ERG: variants seen among roughly 807,000 people sequenced by gnomAD.
ERG encodes transcriptional regulator ERG.
ERG carries 9 observed loss-of-function variants against 55.3 expected under a neutral mutation model. The observed-to-expected ratio is 0.16, with a 90% CI of 0.10 to 0.28. The LOEUF (loss-of-function observed/expected upper bound fraction) is 0.28. Among genes scored for constraint, ERG ranks in the 10% least tolerant of loss-of-function variants. The probability of loss-of-function intolerance (pLI) is 1.00; values close to 1 mark genes in which losing one functional copy is unlikely to be tolerated. For missense variants in ERG, 434 were observed against 631.6 expected (o/e 0.69, Z 3.35); for synonymous variants, 223 against 237.3 (o/e 0.94, Z 0.55).
intron 1 of ERG, among the ~76,000 whole-genome samples, chr21:38,485,680 G>A (rs191072946): frequency 2.0e-5 from 3 of 151,346 alleles, no homozygotes; most frequent in Admixed American, 6.6e-5. Flanking sequence ...GGATGGTCTC[G>A]ATCTCCTGAC....
chr21:38,472,829 C>T (rs2059151728), intron 1 of ERG, among the ~76,000 whole-genome samples: 1 of 152,228 alleles, frequency 6.6e-6, no homozygotes, highest in African/African-American at 2.4e-5. Flanking sequence ...GGAGCTCAGA[C>T]CTGCAGTCTT....
At chr21:38,661,609 C>G (rs147340873) in intron 1 of ERG, 1 of 152,286 alleles carries the variant, frequency 6.6e-6, no homozygotes, top group Non-Finnish European at 1.5e-5. Flanking sequence ...TAAGCCCCTT[C>G]CAGAAGTTTT....
chr21:38,502,466 C>A, upstream of ERG: 1 of 159,592 alleles, frequency 6.3e-6, no homozygotes. Flanking sequence ...TGGTGGCAGA[C>A]ATGTCCAAGG....
chr21:38,565,387 C>A (rs1403159477), intron 2 of ERG, among the ~76,000 whole-genome samples: 1 of 152,174 alleles, frequency 6.6e-6, no homozygotes, highest in Non-Finnish European at 1.5e-5. Context: ...TGCTATGAAC[C>A]TTCCAATGGT....
In ERG at chr21:38,473,826, G is replaced by A. The variant is rs148919917; in HGVS notation, c.18+24537C>T. 2.9e-3 allele frequency among the ~76,000 whole-genome samples: 440 copies of A among 152,028 alleles called. 4 individuals carry two copies. The highest frequency in any genetic ancestry group is 9.6e-3 in the African/African-American group (398 of 41,462). ...TGTGTGTGTATGTGTACATGTTTGC[G>A]TACGTATGCATGTGTATGTGTACAT... On this transcript the variant is annotated intron_variant, in intron 1 of 9. Coordinates refer to ENST00000288319, the MANE Select transcript of ERG (RefSeq NM_182918.4).
chr21:38,477,095 C>T (rs2059196218), intron 1 of ERG, among the ~76,000 whole-genome samples: 1 of 148,224 alleles, frequency 6.7e-6, no homozygotes, highest in African/African-American at 2.5e-5. Context: ...TCACTGCAAC[C>T]TTGACCTCCC....
chr21:38,537,871 A>G (rs1047425344), intron 2 of ERG, among the ~76,000 whole-genome samples: 1 of 152,226 alleles, frequency 6.6e-6, no homozygotes, highest in Admixed American at 6.5e-5. Flanking sequence ...AGCATTATTT[A>G]CAATAACCAA....
chr21:38,491,688 T>C (rs1275176650), intron 1 of ERG, among the ~76,000 whole-genome samples: 1 of 152,222 alleles, frequency 6.6e-6, no homozygotes, highest in Non-Finnish European at 1.5e-5. Flanking sequence ...TTTAATTCCA[T>C]GAACACCCTG....
chr21:38,440,030 G>C (rs2058825408), intron 2 of ERG, among the ~76,000 whole-genome samples: 1 of 152,218 alleles, frequency 6.6e-6, no homozygotes, highest in Non-Finnish European at 1.5e-5. Flanking sequence ...TCCCGTGGAG[G>C]TGTCTGCAAG....
At chr21:38,499,654 G>T (rs539861331), upstream of ERG, among the ~76,000 whole-genome samples, 5 of 151,876 alleles carry the variant, frequency 3.3e-5, no homozygotes, top group South Asian at 1.0e-3. Context: ...AGGTCATTCT[G>T]GCTTTTATTA....
At chr21:38,540,761 T>C (rs1232779398) in intron 2 of ERG, among the ~76,000 whole-genome samples, 7 of 152,200 alleles carry the variant, frequency 4.6e-5, no homozygotes, top group Admixed American at 6.5e-5. Flanking sequence ...ATGTAAAATT[T>C]TTCCATCTGC....
chr21:38,527,221 C>T (rs949811602), intron 2 of ERG, among the ~76,000 whole-genome samples: 2 of 152,160 alleles, frequency 1.3e-5, no homozygotes, highest in Non-Finnish European at 2.9e-5. Context: ...GAAGAAGATT[C>T]GACATGGAGT....
downstream of ERG, among the ~76,000 whole-genome samples, chr21:38,376,938 C>A (rs114844618): frequency 0.011 from 1,727 of 152,318 alleles, 42 homozygotes; most frequent in African/African-American, 0.04. Flanking sequence ...TGCTTCCTGT[C>A]TGATAACTAC....
chr21:38,559,382 CCTT>C (rs2059878354), intron 2 of ERG, among the ~76,000 whole-genome samples: 1 of 103,414 alleles, frequency 9.7e-6, no homozygotes, highest in Non-Finnish European at 1.8e-5. Flanking sequence ...ATCCCATTTC[CCTT>C]TTTTTTTTTT....
intron 1 of ERG, among the ~76,000 whole-genome samples, chr21:38,607,584 A>T (rs1195560418): frequency 1.3e-5 from 2 of 152,184 alleles, no homozygotes; most frequent in Non-Finnish European, 2.9e-5. Flanking sequence ...CAGTGAGCCC[A>T]GATTGCGCTG....
At chr21:38,423,726 G>T (rs993827713) in intron 2 of ERG, among the ~76,000 whole-genome samples, 165 bp from the exon 3 acceptor site, 5 of 152,182 alleles carry the variant, frequency 3.3e-5, no homozygotes, top group Admixed American at 3.3e-4. Flanking sequence ...CGTGGCTCAT[G>T]CCTGTAGTCC....
In ERG at chr21:38,576,735, C is replaced by T. The variant is rs556963610; in HGVS notation, c.-126-988G>A. On this transcript the variant is annotated intron_variant, in intron 1 of 8. Coordinates refer to the ERG transcript ENST00000398897. ...CTGGCCACCTGTCAGGGTTGGTTGACGTGGCCCCCTCTGGAGAGCAGGGGT... is the reference window on the plus strand; with the variant it reads ...CTGGCCACCTGTCAGGGTTGGTTGATGTGGCCCCCTCTGGAGAGCAGGGGT... Among the ~76,000 whole-genome samples, 9 of 152,218 alleles carry T rather than the reference C, an allele frequency of 5.9e-5. No homozygotes were observed. In the South Asian group the frequency reaches 6.2e-4, roughly 11 times the overall value.
chr21:38,383,688 G>C lies in ERG; in HGVS notation c.1155C>G (p.Arg385=), dbSNP rs1447610683. ...KNIMTKVHGK[R]YAYKFDFHGI... ...CGTGGAAGTCGAACTTGTAGGCGTAGCGCTTCCCATGGACCTTGGTCATGA... is the reference window on the plus strand; with the variant it reads ...CGTGGAAGTCGAACTTGTAGGCGTACCGCTTCCCATGGACCTTGGTCATGA... Residue 385 remains arginine (R), a synonymous_variant, in exon 10 of 10, where the codon CGC becomes CGG. Transcript: ENST00000288319. The surrounding 1 kb of genome is among the most constrained non-coding windows in gnomAD (Gnocchi z 5.7). The C allele has an allele frequency of 1.9e-6, 3 of 1,614,206 alleles. No individual in the cohort carries two copies. The highest frequency in any genetic ancestry group is 1.7e-5 in the Admixed American group (1 of 60,030).
At chr21:38,528,888 A>C (rs2059651634) in intron 2 of ERG, among the ~76,000 whole-genome samples, 1 of 152,232 alleles carries the variant, frequency 6.6e-6, no homozygotes, top group South Asian at 2.1e-4. Flanking sequence ...AGAATGGTCT[A>C]TTAATTTTTT....
Sources: gnomAD v4.1 joint callset for allele counts (sites outside exome capture counted in the v4.1 genomes callset) on GRCh38, gnomAD v4.1.1 for gene constraint, Gnocchi (gnomAD v3.1) non-coding constraint, MANE v1.5 for transcripts, NCBI Gene and HGNC (gene_info 2026-07-23, HGNC 2026-07-21) for gene names.